GMDS: variants seen among roughly 807,000 people sequenced by gnomAD.
GMDS encodes the protein GDP-mannose 4,6-dehydratase, also known as GDP-mannose 4,6 dehydratase.
In GMDS, 20 loss-of-function variants were observed where a neutral mutation model predicts 49.9. The ratio of observed to expected loss-of-function variants is 0.40; its 90% CI spans 0.28 to 0.58. The LOEUF (loss-of-function observed/expected upper bound fraction) is 0.58. Ranked by LOEUF, GMDS falls within the 20% of genes least tolerant of loss-of-function variation. GMDS has a pLI of 0.42. For synonymous variants in GMDS, 177 were observed against 178.6 expected, an observed-to-expected ratio of 0.99 and a Z score of 0.07; for missense variants, 362 against 481.4, an observed-to-expected ratio of 0.75 and a Z score of 2.32.
intron 7 of GMDS, among the ~76,000 whole-genome samples, chr6:1,835,665 T>C (rs1380695889): frequency 6.6e-6 from 1 of 152,302 alleles, no homozygotes; most frequent in East Asian, 1.9e-4. Flanking sequence ...CAGATGGGCA[T>C]AAATATCATT....
chr6:2,056,773 T>C (rs560539097), intron 4 of GMDS, among the ~76,000 whole-genome samples: 348 of 152,170 alleles, frequency 2.3e-3, no homozygotes, highest in African/African-American at 8.1e-3. Context: ...TTTAGAATAA[T>C]TTTTTTTCCA....
At chr6:1,775,097 G>A (rs1179968294) in intron 7 of GMDS, among the ~76,000 whole-genome samples, 1 of 152,142 alleles carries the variant, frequency 6.6e-6, no homozygotes, top group Non-Finnish European at 1.5e-5. Flanking sequence ...CAAGGACCCA[G>A]GAATGAAGTT....
At chr6:2,110,191 G>A (rs1209277683) in intron 4 of GMDS, among the ~76,000 whole-genome samples, 1 of 151,596 alleles carries the variant, frequency 6.6e-6, no homozygotes, top group African/African-American at 2.4e-5. Context: ...TTCACCAACC[G>A]CCCTTCCCCC....
chr6:1,730,345 G>C (rs1766742638), intron 8 of GMDS, among the ~76,000 whole-genome samples: 1 of 152,246 alleles, frequency 6.6e-6, no homozygotes, highest in African/African-American at 2.4e-5. Flanking sequence ...AAAGCAGATG[G>C]ATGAGTGTTA....
At chr6:1,872,501 GAT>G (rs1373985280) in intron 7 of GMDS, among the ~76,000 whole-genome samples, 5 of 152,090 alleles carry the variant, frequency 3.3e-5, no homozygotes, top group Non-Finnish European at 7.4e-5. Flanking sequence ...TTTTTGCAGG[GAT>G]ATGATAGTCC....
intron 7 of GMDS, among the ~76,000 whole-genome samples, chr6:1,810,542 C>G (rs1348422584): frequency 6.6e-6 from 1 of 152,032 alleles, no homozygotes; most frequent in Admixed American, 6.6e-5. Context: ...CTCGGCCTCC[C>G]AGAGTGCTAG....
intron 9 of GMDS, among the ~76,000 whole-genome samples, chr6:1,710,452 C>A (rs948848573): frequency 2.6e-5 from 4 of 152,224 alleles, no homozygotes; most frequent in African/African-American, 4.8e-5. Context: ...TCTGGACCTG[C>A]CGTGGTATAA....
Position 2,093,635 on chromosome 6 carries a change from A to G in GMDS, c.345+22136T>C, listed in dbSNP as rs368146413. ...ATTCTTCAAGGTGAAAGACTCATACAATTACACAGCCAATGAAATGTTGCT... is the reference window on the plus strand; with the variant it reads ...ATTCTTCAAGGTGAAAGACTCATACGATTACACAGCCAATGAAATGTTGCT... On this transcript the variant is annotated intron_variant, in intron 4 of 10. Transcript: ENST00000380815. 2.6e-5 allele frequency among the ~76,000 whole-genome samples: 4 copies of G among 152,326 alleles called. No individual in the cohort carries two copies. In the East Asian group the frequency reaches 7.7e-4, roughly 29 times the overall value.
chr6:2,215,783 A>G (rs930771465), intron 1 of GMDS, among the ~76,000 whole-genome samples: 1 of 152,204 alleles, frequency 6.6e-6, no homozygotes, highest in Non-Finnish European at 1.5e-5. Flanking sequence ...CAAATTATTA[A>G]AAATAATTAT....
rs1561682229 is a variant in GMDS at position 1,624,827 on chromosome 6, C to CCTTTTTTTTTTTTT, written c.988-288_988-287insAAAAAAAAAAAAAG. ...CAAGGCGTCCCTTGGGCTCTTAATG[C>CCTTTTTTTTTTTTT]TTTTTTTTTTTTTTTTTTTTTTTTT... On this transcript the variant is annotated intron_variant, in intron 9 of 10. Coordinates refer to ENST00000380815, the MANE Select transcript of GMDS (RefSeq NM_001500.4). The CCTTTTTTTTTTTTT allele has an allele frequency of 2.4e-5, 2 of 83,178 alleles. 1 individual carries two copies. Among genetic ancestry groups the CCTTTTTTTTTTTTT allele is most frequent in the Non-Finnish European group, 4.1e-5 (2 of 48,450 alleles). The allele number at this position is 83,178 out of a possible 1,614,324, so 5.2% of individuals were successfully genotyped here.
rs1346738353 is a variant in GMDS at position 1,766,851 on chromosome 6, G to A, written c.772-24265C>T. ...CACTGACTGGACTAAACAAAGCCTG[G>A]CAATGGGCCAGATCTGGTCAGCTAG... is the stretch of plus-strand genomic sequence containing the variant. On this transcript the variant is annotated intron_variant, in intron 7 of 10. Transcript: ENST00000380815. This position sits in a 1 kb window ranked among gnomAD's most constrained non-coding sequence, Gnocchi z 4.5. Among the ~76,000 whole-genome samples, 1 of 152,236 alleles carries A rather than the reference G, an allele frequency of 6.6e-6. No homozygotes were observed. The highest frequency in any genetic ancestry group is 2.4e-5 in the African/African-American group (1 of 41,458).
Position 1,836,269 on chromosome 6 carries a change from G to C in GMDS, c.772-93683C>G, listed in dbSNP as rs1379209580. On this transcript the variant is annotated intron_variant, in intron 7 of 10. Coordinates refer to ENST00000380815, the MANE Select transcript of GMDS (RefSeq NM_001500.4). The surrounding 1 kb of genome is among the most constrained non-coding windows in gnomAD (Gnocchi z 4.2). ...TTCCTGGTGGTTTTGCTGTGTAAAT[G>C]AAAGAAAAACTCTGAGACCTGAACT... is the stretch of plus-strand genomic sequence containing the variant. Among the ~76,000 whole-genome samples, 1 of 152,140 alleles carries C rather than the reference G, an allele frequency of 6.6e-6. No individual in the cohort carries two copies. The highest frequency in any genetic ancestry group is 1.5e-5 in the Non-Finnish European group (1 of 68,034).
At chr6:1,655,648 C>T (rs182643652) in intron 9 of GMDS, among the ~76,000 whole-genome samples, 214 of 152,136 alleles carry the variant, frequency 1.4e-3, no homozygotes, top group Middle Eastern at 0.01. Context: ...GGATTACAGG[C>T]GCCAGCCACC....
chr6:1,971,621 C>T (rs1285328088), intron 4 of GMDS, among the ~76,000 whole-genome samples: 1 of 152,064 alleles, frequency 6.6e-6, no homozygotes, highest in Non-Finnish European at 1.5e-5. Context: ...GGTAACAATC[C>T]CCAAACGCAC....
At chr6:2,208,727 C>T (rs1021844884) in intron 1 of GMDS, among the ~76,000 whole-genome samples, 72 of 152,108 alleles carry the variant, frequency 4.7e-4, no homozygotes, top group African/African-American at 1.6e-3. Context: ...ATAGCTTGCC[C>T]AAGATGTGGT....
Position 1,623,895 on chromosome 6 carries a change from G to T in GMDS, c.*274C>A, listed in dbSNP as rs1452131013. 2.2e-6 allele frequency: 1 copy of T among 456,398 alleles called. No homozygotes were observed. The highest frequency in any genetic ancestry group is 2.0e-5 in the African/African-American group (1 of 49,124). 28.3% of individuals were successfully genotyped at this position (456,398 alleles called of 1,614,324 possible). ...TTGTTGTGTAACAACATAATTTCAA[G>T]TAAAGTGAATGTGATTAAAACATCT... On this transcript the variant is annotated 3_prime_UTR_variant, in exon 11 of 11. Coordinates refer to ENST00000380815, the MANE Select transcript of GMDS (RefSeq NM_001500.4).
chr6:2,029,442 T>A (rs1055582466), intron 4 of GMDS, among the ~76,000 whole-genome samples: 1 of 152,188 alleles, frequency 6.6e-6, no homozygotes, highest in African/African-American at 2.4e-5. Context: ...CTAAGAGATA[T>A]TAAAAGCAGA....
At chr6:1,756,101 T>G (rs1767929684) in intron 7 of GMDS, among the ~76,000 whole-genome samples, 1 of 152,200 alleles carries the variant, frequency 6.6e-6, no homozygotes, top group Admixed American at 6.5e-5. Flanking sequence ...GCAAAGGATA[T>G]GAACAGAATT....
In GMDS at chr6:1,720,848, C is replaced by A. The variant is rs538849624; in HGVS notation, c.987+5568G>T. Among the ~76,000 whole-genome samples the A allele has an allele frequency of 2.8e-4, 43 of 152,164 alleles. 1 individual carries two copies. The highest frequency in any genetic ancestry group is 2.5e-3 in the East Asian group (13 of 5,184). Reference sequence around the variant, plus strand: ...AGGGATGGACTGGCTTCTAACAGAGCTGGTACAGATGAAGGGATAGAGTGG... The same window carrying A: ...AGGGATGGACTGGCTTCTAACAGAGATGGTACAGATGAAGGGATAGAGTGG... On this transcript the variant is annotated intron_variant, in intron 9 of 10. Transcript: ENST00000380815.
Sources: allele counts gnomAD v4.1 joint callset (sites outside exome capture counted in the v4.1 genomes callset), GRCh38; gene constraint gnomAD v4.1.1; non-coding constraint Gnocchi (gnomAD v3.1); transcripts MANE v1.5; gene names NCBI Gene and HGNC (gene_info 2026-07-23, HGNC 2026-07-21).